The following OR2L13 variants were observed in gnomAD, a reference collection of about 807,000 sequenced individuals.
The protein encoded by OR2L13 is olfactory receptor 2L13.
Under a neutral mutation model 15.3 loss-of-function variants are expected in OR2L13, and 14 were observed. The ratio of observed to expected loss-of-function variants is 0.91; its 90% confidence interval spans 0.60 to 1.43. OR2L13 has a LOEUF of 1.43. Ranked by LOEUF, OR2L13 falls within the 40% of genes most tolerant of loss-of-function variation. OR2L13 has a pLI of 0.00. For missense variants in OR2L13, 367 were observed against 387.9 expected (o/e 0.95, Z 0.45); for synonymous variants, 152 against 142.9 (o/e 1.06, Z -0.45).
the OR2L13 span, chr1:247,965,888 C>A: frequency 6.2e-7 from 1 of 1,613,624 alleles, no homozygotes; most frequent in Non-Finnish European, 8.5e-7. Context: ...TTCTGTAGGT[C>A]TCGGCTCATT....
chr1:247,937,445 G>C, the OR2L13 span: 3 of 158,762 alleles, frequency 1.9e-5, no homozygotes, highest in Admixed American at 6.5e-5. Context: ...TCTTGCTCCC[G>C]ACTGTCAGCC....
exon 3 of OR2L13, chr1:248,100,933 GTTTC>G (rs750125003): frequency 2.5e-5 from 4 of 160,188 alleles, no homozygotes; most frequent in African/African-American, 7.2e-5. Context: ...GTGTTTATGT[GTTTC>G]TTTATCTGTT....
the OR2L13 span, among the ~76,000 whole-genome samples, chr1:247,962,389 C>T: frequency 6.6e-6 from 1 of 152,060 alleles, no homozygotes; most frequent in Non-Finnish European, 1.5e-5. Context: ...GTATTGACTC[C>T]AGGAGAAGGA....
At chr1:248,068,658 A>G in the OR2L13 span, among the ~76,000 whole-genome samples, 1 of 152,250 alleles carries the variant, frequency 6.6e-6, no homozygotes, top group African/African-American at 2.4e-5. Context: ...AGAAGCCTTC[A>G]GACGATCAAA....
the OR2L13 span, chr1:247,975,435 G>A: frequency 2.8e-6 from 2 of 723,016 alleles, no homozygotes; most frequent in South Asian, 1.4e-5. Context: ...AGGCCTATTC[G>A]ACCTGTAGCA....
chr1:247,957,417 GTC>G, the OR2L13 span, among the ~76,000 whole-genome samples: 1 of 152,066 alleles, frequency 6.6e-6, no homozygotes, highest in Non-Finnish European at 1.5e-5. Flanking sequence ...TTTTTGTTGT[GTC>G]TCTGCCTGGC....
chr1:248,080,132 TA>T, the OR2L13 span, among the ~76,000 whole-genome samples: 1 of 151,854 alleles, frequency 6.6e-6, no homozygotes, highest in Non-Finnish European at 1.5e-5. Context: ...TACAGATACA[TA>T]TTTTTTTTTA....
chr1:248,088,402 G>A, the OR2L13 span, among the ~76,000 whole-genome samples: 9 of 152,056 alleles, frequency 5.9e-5, no homozygotes, highest in South Asian at 1.0e-3. Flanking sequence ...TATTTCTTAC[G>A]CATTTCATGA....
chr1:248,044,113 C>T, the OR2L13 span, among the ~76,000 whole-genome samples: 1 of 152,096 alleles, frequency 6.6e-6, no homozygotes, highest in Middle Eastern at 3.2e-3. Flanking sequence ...GGGAATGCAG[C>T]CCAGCAAGTC....
At chr1:248,084,734 C>T in the OR2L13 span, 1 of 1,322,714 alleles carries the variant, frequency 7.6e-7, no homozygotes, top group Non-Finnish European at 1.0e-6. Flanking sequence ...TAGACTTCAT[C>T]TCAGACACAG....
At chr1:248,081,619 T>C in the OR2L13 span, among the ~76,000 whole-genome samples, 1 of 152,316 alleles carries the variant, frequency 6.6e-6, no homozygotes, top group East Asian at 1.9e-4. Context: ...TTTTAGATGG[T>C]ATAAATGACA....
chr1:247,956,740 CTGTT>C, the OR2L13 span, among the ~76,000 whole-genome samples: 908 of 151,992 alleles, frequency 6.0e-3, 8 homozygotes, highest in Middle Eastern at 0.024. Flanking sequence ...ATTTGGCTCT[CTGTT>C]TGTCTGTTAT....
upstream of OR2L13, among the ~76,000 whole-genome samples, chr1:248,097,046 A>G (rs1000922651): frequency 3.9e-5 from 6 of 152,318 alleles, no homozygotes; most frequent in African/African-American, 1.4e-4. Context: ...TAGTTAAATA[A>G]TGCATAACCA....
At chr1:248,058,128 T>A in the OR2L13 span, among the ~76,000 whole-genome samples, 1 of 152,166 alleles carries the variant, frequency 6.6e-6, no homozygotes, top group Non-Finnish European at 1.5e-5. Context: ...AATTTTTACA[T>A]CACTTTAATG....
chr1:248,051,975 A>G, the OR2L13 span, among the ~76,000 whole-genome samples: 1 of 152,148 alleles, frequency 6.6e-6, no homozygotes, highest in Non-Finnish European at 1.5e-5. Flanking sequence ...TGATGCTTTG[A>G]CTTGCAATTT....
the OR2L13 span, among the ~76,000 whole-genome samples, chr1:247,959,562 C>T: frequency 5.3e-5 from 8 of 151,830 alleles, no homozygotes; most frequent in East Asian, 1.9e-4. Context: ...CCATTCTCCT[C>T]GTCACTTTCA....
At chr1:247,975,190 G>A in the OR2L13 span, 1 of 395,018 alleles carries the variant, frequency 2.5e-6, no homozygotes, top group Non-Finnish European at 5.1e-6. Flanking sequence ...TGGATAATGG[G>A]CTCTATCGAC....
At chr1:248,080,919 C>T in the OR2L13 span, among the ~76,000 whole-genome samples, 4 of 152,178 alleles carry the variant, frequency 2.6e-5, no homozygotes, top group Admixed American at 6.5e-5. Flanking sequence ...GCTAGAACTT[C>T]GTATATTCAA....
chr1:247,998,508 T>C, the OR2L13 span, among the ~76,000 whole-genome samples: 2 of 152,154 alleles, frequency 1.3e-5, no homozygotes, highest in Non-Finnish European at 2.9e-5. Context: ...ATTATAATCT[T>C]ATTGCTGCTT....
Sources: allele counts gnomAD v4.1 joint callset (sites outside exome capture counted in the v4.1 genomes callset), GRCh38; gene constraint gnomAD v4.1.1; transcripts MANE v1.5; gene names NCBI Gene and HGNC (gene_info 2026-07-23, HGNC 2026-07-21).